Variants in XRN2 observed in about 807,000 individuals in gnomAD.
XRN2 encodes 5'-3' exoribonuclease 2.
A neutral mutation model predicts 138.5 loss-of-function variants in XRN2; 44 were observed. The ratio of observed to expected loss-of-function variants is 0.32; its 90% CI spans 0.25 to 0.41. XRN2 has a LOEUF of 0.41. XRN2 is among the 10% of genes least tolerant of loss of function. The pLI is 1.00. For synonymous variants in XRN2, 354 were observed against 369.4 expected, an observed-to-expected ratio of 0.96 and a Z score of 0.48; for missense variants, 937 against 1,169.3, an observed-to-expected ratio of 0.80 and a Z score of 2.90.
At chr20:21,321,531 G>A (rs1006345367) in intron 1 of XRN2, among the ~76,000 whole-genome samples, 6 of 151,872 alleles carry the variant, frequency 4.0e-5, no homozygotes, top group African/African-American at 1.5e-4. Context: ...TGTTCCCCAG[G>A]CTGGCCTTGA....
intron 23 of XRN2, 113 bp from the exon 24 acceptor site, chr20:21,357,623 C>T: frequency 1.4e-6 from 1 of 723,146 alleles, no homozygotes; most frequent in Non-Finnish European, 2.1e-6. Flanking sequence ...TTTGTTAGTG[C>T]ATTCTAATGA....
intron 1 of XRN2, among the ~76,000 whole-genome samples, chr20:21,318,037 T>G (rs1224085455): frequency 6.6e-6 from 1 of 152,240 alleles, no homozygotes; most frequent in East Asian, 1.9e-4. Context: ...AATTCAGCAG[T>G]GAAGCCATTT....
At chr20:21,316,393 G>T (rs958289125) in intron 1 of XRN2, among the ~76,000 whole-genome samples, 9 of 152,170 alleles carry the variant, frequency 5.9e-5, no homozygotes, top group African/African-American at 1.9e-4. Context: ...ATTTACACCT[G>T]TTTTTCGGAA....
At chr20:21,338,815 A>G (rs1008468978) in intron 13 of XRN2, among the ~76,000 whole-genome samples, 1 of 152,178 alleles carries the variant, frequency 6.6e-6, no homozygotes, top group African/African-American at 2.4e-5. Flanking sequence ...AGCTTTCTGA[A>G]CAGAATTACC....
chr20:21,312,437 T>C (rs1047819335), intron 1 of XRN2, among the ~76,000 whole-genome samples: 1 of 152,094 alleles, frequency 6.6e-6, no homozygotes, highest in Non-Finnish European at 1.5e-5. Flanking sequence ...CTTTGCTCAC[T>C]TATTAAGAAC....
chr20:21,353,669 CCTGTAG>C (rs1269575510), intron 20 of XRN2, among the ~76,000 whole-genome samples: 5 of 151,768 alleles, frequency 3.3e-5, no homozygotes, highest in African/African-American at 1.2e-4. Flanking sequence ...GTGGCATGTG[CCTGTAG>C]TCCCAGCTAC....
At chr20:21,352,726 T>A (rs1200065881) in intron 20 of XRN2, among the ~76,000 whole-genome samples, 1 of 152,202 alleles carries the variant, frequency 6.6e-6, no homozygotes, top group Non-Finnish European at 1.5e-5. Context: ...ATATTTTATA[T>A]ATGAATAGAG....
At chr20:21,387,174 CTG>C (rs1285625760) in intron 29 of XRN2, among the ~76,000 whole-genome samples, 168 bp downstream of exon 29, 1 of 152,188 alleles carries the variant, frequency 6.6e-6, no homozygotes, top group African/African-American at 2.4e-5. Flanking sequence ...GGTTGAGTAC[CTG>C]CTTCACTAAA....
intron 27 of XRN2, among the ~76,000 whole-genome samples, chr20:21,369,049 C>T (rs1374198960): frequency 6.6e-6 from 1 of 152,062 alleles, no homozygotes; most frequent in Non-Finnish European, 1.5e-5. Flanking sequence ...ATCCTCCCCT[C>T]CCCAACCCTT....
At chr20:21,356,915 T>C (rs1262610107) in intron 23 of XRN2, among the ~76,000 whole-genome samples, 1 of 152,170 alleles carries the variant, frequency 6.6e-6, no homozygotes, top group East Asian at 1.9e-4. Flanking sequence ...TTCATAATGA[T>C]ACTAAGATGT....
rs766778686 is a variant in XRN2, at chr20:21,356,663, T to G, written c.2196T>G (p.Asp732Glu). 7.4e-6 allele frequency: 12 copies of G among 1,612,764 alleles called. No homozygotes were observed. The East Asian group carries it at 2.7e-4, about 36-fold the overall frequency. ...FSLDEEAILP[D>E]QIVCSPVPML... ...TGGATGAAGAAGCCATTCTTCCAGA[T>G]CAGTAAGTTTCATTTTGTATATAAT... is the stretch of plus-strand genomic sequence containing the variant. The change falls in exon 23 of 30, where the codon GAT (aspartate) becomes GAG (glutamate). Residue 732 changes from aspartate (D) to glutamate (E), a missense_variant and splice_region_variant. Physicochemically the swap from Asp to Glu is conservative, Grantham distance 45. Around this residue, in one of 6 missense-constraint regions of XRN2, gnomAD observed 372 missense variants for 414.4 expected, o/e 0.90. Transcript: ENST00000377191.
chr20:21,337,922 AGGT>A (rs1233086112), intron 13 of XRN2, among the ~76,000 whole-genome samples: 3 of 152,004 alleles, frequency 2.0e-5, no homozygotes, highest in Non-Finnish European at 4.4e-5. Flanking sequence ...CATAGTCTGC[AGGT>A]CATTGGTGAC....
At chr20:21,316,438 A>G (rs1230854269) in intron 1 of XRN2, among the ~76,000 whole-genome samples, 1 of 152,166 alleles carries the variant, frequency 6.6e-6, no homozygotes, top group Non-Finnish European at 1.5e-5. Context: ...ATGTAGGTTC[A>G]TGATCCATTT....
intron 27 of XRN2, among the ~76,000 whole-genome samples, chr20:21,375,089 A>G (rs1358491886): frequency 1.5e-5 from 2 of 130,712 alleles, no homozygotes; most frequent in African/African-American, 5.9e-5. Flanking sequence ...AATTTTTCAT[A>G]AGATTTTTAA....
chr20:21,389,496 T>C lies in XRN2; in HGVS notation c.*158T>C, dbSNP rs1253222812. The C allele has an allele frequency of 9.4e-6, 6 of 637,702 alleles. No individual in the cohort carries two copies. In the African/African-American group the frequency reaches 1.1e-4, roughly 12 times the overall value. The allele number at this position is 637,702 out of a possible 1,614,324, so 39.5% of individuals were successfully genotyped here. A position where few individuals can be genotyped will look rare whatever the true frequency, so the allele number is the denominator to read the frequency against. On this transcript the variant is annotated 3_prime_UTR_variant, in exon 30 of 30. Transcript: ENST00000377191. ...TCTACTGATCTGATCTCACTGTTTA[T>C]GTTGCTTTCCAAAGATGTATGTTGC...
chr20:21,365,336 A>G, intron 24 of XRN2, 85 bp from the exon 25 acceptor site: 2 of 1,319,086 alleles, frequency 1.5e-6, no homozygotes, highest in Non-Finnish European at 2.1e-6. Context: ...TTTGGAGAGG[A>G]CTTAAACATG....
rs2037819960 is a variant in XRN2 at position 21,307,042 on chromosome 20, CAGATG to C, written c.75+3573_75+3577del. ...ATTATTGTTATGTTTATTATTATTT[CAGATG>C]AGAAAATGGAAACACAGCAGGGTCG... On this transcript the variant is annotated intron_variant, in intron 1 of 29. Transcript: ENST00000377191. Among the ~76,000 whole-genome samples the C allele has an allele frequency of 2.6e-5, 2 of 76,390 alleles. 1 individual carries two copies. Among genetic ancestry groups the C allele is most frequent in the Non-Finnish European group, 6.2e-5 (2 of 32,464 alleles). The allele number at this position is 76,390 out of a possible 152,430, so 50.1% of individuals were successfully genotyped here.
chr20:21,336,793 G>A (rs909095935), intron 13 of XRN2, among the ~76,000 whole-genome samples: 2 of 152,210 alleles, frequency 1.3e-5, no homozygotes, highest in Non-Finnish European at 2.9e-5. Flanking sequence ...TCTGGGAAGG[G>A]AGAGGTTGGG....
In XRN2 at chr20:21,331,427, A is replaced by C. The variant is rs1038584461; in HGVS notation, c.577-134A>C. The C allele has an allele frequency of 1.8e-5, 13 of 710,274 alleles. 1 individual carries two copies. The highest frequency in any genetic ancestry group is 3.9e-4 in the Middle Eastern group (1 of 2,592). 44.0% of individuals were successfully genotyped at this position (710,274 alleles called of 1,614,324 possible). A position where few individuals can be genotyped will look rare whatever the true frequency, so the allele number is the denominator to read the frequency against. On this transcript the variant is annotated intron_variant, in intron 6 of 29. Coordinates refer to ENST00000377191, the MANE Select transcript of XRN2 (RefSeq NM_012255.5). ...CACACACACACACACACACACACAC[A>C]CACACACACACCCTTATTCAGAAAA...
Sources: allele counts gnomAD v4.1 joint callset (sites outside exome capture counted in the v4.1 genomes callset), GRCh38; gene constraint gnomAD v4.1.1; regional missense constraint gnomAD v4.1.1; transcripts MANE v1.5; gene names NCBI Gene and HGNC (gene_info 2026-07-23, HGNC 2026-07-21).